Variants in SUMF1 observed in about 807,000 individuals in gnomAD.
SUMF1 encodes sulfatase modifying factor 1, also known as formylglycine-generating enzyme.
A neutral mutation model predicts 47.6 loss-of-function variants in SUMF1; 48 were observed. That is an observed-to-expected ratio of 1.01 (90% confidence interval 0.80 to 1.28). SUMF1 has a LOEUF of 1.28. Ranked by LOEUF, SUMF1 falls within the 50% of genes most tolerant of loss-of-function variation. SUMF1 has a pLI of 0.00. For missense variants in SUMF1, 571 were observed against 485.4 expected (o/e 1.18, Z -1.66); for synonymous variants, 230 against 192.1 (o/e 1.20, Z -1.63).
At chr3:4,339,956 G>T (rs1285776890) in intron 8 of SUMF1, among the ~76,000 whole-genome samples, 2 of 152,022 alleles carry the variant, frequency 1.3e-5, no homozygotes, top group East Asian at 3.9e-4. Flanking sequence ...ACATACCTGT[G>T]GTCCCAGCCA....
chr3:4,087,177 G>A lies in SUMF1; in HGVS notation c.1015-18432C>T, dbSNP rs560630835. Among the ~76,000 whole-genome samples the A allele has an allele frequency of 7.3e-4, 111 of 152,312 alleles. 1 individual carries two copies. Among genetic ancestry groups the A allele is most frequent in the Non-Finnish European group, 1.0e-3 (70 of 68,040 alleles). On this transcript the variant is annotated intron_variant and NMD_transcript_variant, in intron 8 of 12. Transcript: ENST00000448413. Reference sequence around the variant, plus strand: ...GGTACTGGAAAGCCAACGTGGGGTAGTGAGAATCAGAAGACAAGTCCTGAC... The same window carrying A: ...GGTACTGGAAAGCCAACGTGGGGTAATGAGAATCAGAAGACAAGTCCTGAC...
At chr3:4,177,988 C>A (rs1410826638) in intron 8 of SUMF1, among the ~76,000 whole-genome samples, 1 of 151,952 alleles carries the variant, frequency 6.6e-6, no homozygotes, top group Non-Finnish European at 1.5e-5. Flanking sequence ...AAGACTAAAC[C>A]AGGAAGAAGT....
chr3:4,283,979 T>C (rs1018608082), intron 8 of SUMF1, among the ~76,000 whole-genome samples: 2 of 152,164 alleles, frequency 1.3e-5, no homozygotes, highest in African/African-American at 4.8e-5. Context: ...CCTAATCATC[T>C]TCCAAATGTC....
intron 8 of SUMF1, among the ~76,000 whole-genome samples, chr3:4,196,104 T>C (rs746933566): frequency 6.6e-6 from 1 of 152,136 alleles, no homozygotes; most frequent in Non-Finnish European, 1.5e-5. Flanking sequence ...ATGCCTATGG[T>C]GACTTAAATA....
chr3:4,041,647 G>A (rs922374673), intron 9 of SUMF1, among the ~76,000 whole-genome samples: 4 of 152,154 alleles, frequency 2.6e-5, no homozygotes, highest in Non-Finnish European at 5.9e-5. Flanking sequence ...CCCATTAGTA[G>A]CATTTTTATG....
intron 6 of SUMF1, among the ~76,000 whole-genome samples, chr3:4,411,567 T>C (rs182109591): frequency 6.6e-6 from 1 of 152,282 alleles, no homozygotes; most frequent in East Asian, 1.9e-4. Flanking sequence ...CTCTGAAACC[T>C]GAGTCTGAGG....
intron 8 of SUMF1, among the ~76,000 whole-genome samples, chr3:4,137,177 G>A (rs1302283166): frequency 2.0e-5 from 3 of 152,026 alleles, no homozygotes; most frequent in Non-Finnish European, 2.9e-5. Flanking sequence ...GCACATGTAT[G>A]TTTACTGAGG....
chr3:4,134,637 G>A (rs1395430831), intron 8 of SUMF1, among the ~76,000 whole-genome samples: 1 of 152,026 alleles, frequency 6.6e-6, no homozygotes, highest in Non-Finnish European at 1.5e-5. Context: ...AGAACTGAAG[G>A]AAATAGAGAC....
intron 2 of SUMF1, among the ~76,000 whole-genome samples, chr3:4,451,596 TAAGTA>T (rs1235659681): frequency 1.3e-5 from 2 of 152,228 alleles, no homozygotes; most frequent in Admixed American, 1.3e-4. Context: ...TCTTCTAACT[TAAGTA>T]AACTATTGAG....
intron 8 of SUMF1, among the ~76,000 whole-genome samples, chr3:4,145,206 A>AAG (rs1323890233): frequency 6.6e-6 from 1 of 151,518 alleles, no homozygotes; most frequent in East Asian, 1.9e-4. Flanking sequence ...AAAAAAAAAA[A>AAG]AAAAAAAGCC....
At chr3:4,237,808 G>A (rs1269150203) in intron 8 of SUMF1, among the ~76,000 whole-genome samples, 1 of 151,914 alleles carries the variant, frequency 6.6e-6, no homozygotes, top group African/African-American at 2.4e-5. Flanking sequence ...TACTTTAAGT[G>A]CTGGGATACA....
intron 8 of SUMF1, among the ~76,000 whole-genome samples, chr3:4,331,105 C>A (rs1440551405): frequency 2.0e-5 from 3 of 152,168 alleles, no homozygotes; most frequent in Non-Finnish European, 4.4e-5. Context: ...AAACCTTCTA[C>A]AATTTGCTTA....
At chr3:4,252,711 G>A (rs1330668159) in intron 8 of SUMF1, among the ~76,000 whole-genome samples, 2 of 152,050 alleles carry the variant, frequency 1.3e-5, no homozygotes, top group Admixed American at 6.6e-5. Flanking sequence ...CCCCTTTAAT[G>A]AAGGGGAAAA....
chr3:4,314,624 A>C (rs1253643289), intron 8 of SUMF1, among the ~76,000 whole-genome samples: 1 of 152,222 alleles, frequency 6.6e-6, no homozygotes, highest in Non-Finnish European at 1.5e-5. Context: ...TTATGCTTCA[A>C]AACTTCAAAC....
chr3:4,161,413 G>A (rs1265173674), intron 8 of SUMF1, among the ~76,000 whole-genome samples: 4 of 152,142 alleles, frequency 2.6e-5, no homozygotes, highest in African/African-American at 4.8e-5. Flanking sequence ...GGCCCTCGGT[G>A]GGTCCAGAGA....
chr3:4,211,220 A>ATATATATATATATATATATATATATC (rs1695786165), intron 8 of SUMF1, among the ~76,000 whole-genome samples: 1 of 138,620 alleles, frequency 7.2e-6, no homozygotes, highest in Non-Finnish European at 1.6e-5. Flanking sequence ...ATATATATAT[A>ATATATATATATATATATATATATATC]TATATATCCT....
chr3:4,419,926 A>C, intron 4 of SUMF1, 138 bp downstream of exon 4: 1 of 772,902 alleles, frequency 1.3e-6, no homozygotes, highest in Non-Finnish European at 2.3e-6. Context: ...CCACCATCTT[A>C]TTTTCCTACC....
chr3:4,359,168 T>C (rs1344115792), downstream of SUMF1, among the ~76,000 whole-genome samples: 1 of 152,238 alleles, frequency 6.6e-6, no homozygotes, highest in Non-Finnish European at 1.5e-5. Flanking sequence ...CGTATGTCAC[T>C]ATCCAACATT....
chr3:4,164,045 C>T (rs1817575), intron 8 of SUMF1, among the ~76,000 whole-genome samples: 10,834 of 152,202 alleles, frequency 0.071, 437 homozygotes, highest in Non-Finnish European at 0.087. Context: ...TAGGGAACAA[C>T]AAATGGGTAA....
Sources: gnomAD v4.1 joint callset for allele counts (sites outside exome capture counted in the v4.1 genomes callset) on GRCh38, gnomAD v4.1.1 for gene constraint, MANE v1.5 for transcripts, NCBI Gene and HGNC (gene_info 2026-07-23, HGNC 2026-07-21) for gene names.